Variants in ADK observed in about 807,000 individuals in gnomAD.
The protein encoded by ADK is N6,N6-dimethyladenosine kinase.
In ADK, 24 loss-of-function variants were observed where a neutral mutation model predicts 44.7. The ratio of observed to expected loss-of-function variants is 0.54; its 90% CI spans 0.39 to 0.76. The LOEUF (loss-of-function observed/expected upper bound fraction) is 0.76. Ranked by LOEUF, ADK falls within the 30% of genes least tolerant of loss-of-function variation. ADK has a pLI of 0.00. For missense variants in ADK, 321 were observed against 425.1 expected, an observed-to-expected ratio of 0.76 and a Z score of 2.15; for synonymous variants, 128 against 142.6, an observed-to-expected ratio of 0.90 and a Z score of 0.73.
intron 3 of ADK, among the ~76,000 whole-genome samples, chr10:74,313,913 A>G (rs984135782): frequency 4.0e-5 from 6 of 151,596 alleles, no homozygotes; most frequent in Non-Finnish European, 4.4e-5. Flanking sequence ...GTTTTTACCC[A>G]TGCATATTTT....
chr10:74,449,125 G>A (rs902205106), intron 6 of ADK, among the ~76,000 whole-genome samples: 4 of 152,188 alleles, frequency 2.6e-5, no homozygotes, highest in Admixed American at 1.3e-4. Context: ...ACCAGGAAGG[G>A]GAGAAAGCCT....
chr10:74,628,158 T>A (rs1231720672), intron 9 of ADK, among the ~76,000 whole-genome samples: 1 of 152,208 alleles, frequency 6.6e-6, no homozygotes, highest in African/African-American at 2.4e-5. Context: ...TATTTGCAAC[T>A]CAGCTTCCTA....
intron 6 of ADK, among the ~76,000 whole-genome samples, chr10:74,494,250 A>G (rs567681146): frequency 2.0e-5 from 3 of 152,172 alleles, no homozygotes; most frequent in African/African-American, 7.2e-5. Flanking sequence ...TAATCACCTC[A>G]CCTATCCAGG....
At chr10:74,524,817 T>C (rs552823116) in intron 6 of ADK, among the ~76,000 whole-genome samples, 14 of 152,298 alleles carry the variant, frequency 9.2e-5, no homozygotes, top group Admixed American at 6.5e-4. Context: ...AGGATTGCTT[T>C]ATCCCAGGAG....
chr10:74,689,409 C>T (rs1279606743), intron 10 of ADK, among the ~76,000 whole-genome samples: 1 of 152,144 alleles, frequency 6.6e-6, no homozygotes, highest in Non-Finnish European at 1.5e-5. Context: ...TCCTGAACAT[C>T]AGTTCCTGCT....
intron 4 of ADK, among the ~76,000 whole-genome samples, chr10:74,372,779 A>C (rs1030489623): frequency 1.3e-5 from 2 of 152,260 alleles, no homozygotes; most frequent in Middle Eastern, 6.8e-3. Context: ...TTCTCCCCCA[A>C]ATTGATCTAA....
At chr10:74,660,896 G>A (rs1413035123) in intron 9 of ADK, among the ~76,000 whole-genome samples, 1 of 152,044 alleles carries the variant, frequency 6.6e-6, no homozygotes, top group Non-Finnish European at 1.5e-5. Context: ...GCTGGGCGTG[G>A]TGGCACGCAC....
chr10:74,251,144 G>A (rs1206737058), intron 3 of ADK, among the ~76,000 whole-genome samples: 1 of 152,182 alleles, frequency 6.6e-6, no homozygotes, highest in East Asian at 1.9e-4. Context: ...TTAAATGCTG[G>A]TACTATTAAC....
chr10:74,251,892 T>C (rs1845663923), intron 3 of ADK, among the ~76,000 whole-genome samples: 1 of 127,612 alleles, frequency 7.8e-6, no homozygotes, highest in Non-Finnish European at 1.6e-5. Context: ...TTGTGGCAGA[T>C]ACTTTTTTTT....
chr10:74,522,487 C>T (rs1396022122), intron 6 of ADK, among the ~76,000 whole-genome samples: 3 of 152,072 alleles, frequency 2.0e-5, no homozygotes, highest in Non-Finnish European at 4.4e-5. Context: ...TTATAGTAGA[C>T]GATTCTCTCT....
At chr10:74,487,285 C>T (rs960346869) in intron 6 of ADK, among the ~76,000 whole-genome samples, 2 of 151,780 alleles carry the variant, frequency 1.3e-5, no homozygotes, top group Non-Finnish European at 2.9e-5. Context: ...TTTTGTTAAT[C>T]GTGTGTGGAT....
At chr10:74,512,432 CT>C (rs1192736570) in intron 6 of ADK, among the ~76,000 whole-genome samples, 1 of 137,896 alleles carries the variant, frequency 7.3e-6, no homozygotes, top group African/African-American at 2.7e-5. Flanking sequence ...TGTTGGAAGA[CT>C]TTTTGTTATT....
intron 10 of ADK, among the ~76,000 whole-genome samples, chr10:74,680,936 A>G (rs1855582129): frequency 6.6e-6 from 1 of 152,254 alleles, no homozygotes; most frequent in African/African-American, 2.4e-5. Flanking sequence ...TGGCAAATTA[A>G]AAACTGATTT....
rs553098905 is a variant in ADK at position 74,686,677 on chromosome 10, GT to G, written c.964+16414del. Among the ~76,000 whole-genome samples the G allele has an allele frequency of 7.2e-5, 11 of 152,098 alleles. No individual in the cohort carries two copies. The South Asian group carries it at 1.0e-3, about 14-fold the overall frequency. On this transcript the variant is annotated intron_variant, in intron 10 of 10. Coordinates refer to ENST00000539909, the MANE Select transcript of ADK (RefSeq NM_006721.4). ...TCTCTTTTTTGTTTGTTTGTTTTTT[GT>G]TTTTTGTGTTTCTTTTTTAGATGGA...
chr10:74,422,092 C>T (rs1382800227), intron 6 of ADK, among the ~76,000 whole-genome samples: 1 of 152,138 alleles, frequency 6.6e-6, no homozygotes, highest in African/African-American at 2.4e-5. Flanking sequence ...ACTGACTTGA[C>T]TATTTCCATT....
At chr10:74,319,109 G>A (rs371922565) in intron 4 of ADK, among the ~76,000 whole-genome samples, 1 of 152,134 alleles carries the variant, frequency 6.6e-6, no homozygotes, top group African/African-American at 2.4e-5. Flanking sequence ...GCAAAAAGAA[G>A]CATGCCTTTA....
At chr10:74,364,918 T>A (rs1412350830) in intron 4 of ADK, among the ~76,000 whole-genome samples, 2 of 152,254 alleles carry the variant, frequency 1.3e-5, no homozygotes, top group African/African-American at 4.8e-5. Context: ...TCCAGTTTAT[T>A]CACTTCTCTT....
chr10:74,391,354 A>T (rs1314666658), intron 4 of ADK, among the ~76,000 whole-genome samples: 1 of 152,038 alleles, frequency 6.6e-6, no homozygotes, highest in East Asian at 1.9e-4. Flanking sequence ...CATGTTTCAG[A>T]AGTCAAATTT....
intron 4 of ADK, among the ~76,000 whole-genome samples, chr10:74,326,342 T>TA (rs1228836787): frequency 2.0e-5 from 3 of 151,676 alleles, no homozygotes; most frequent in African/African-American, 7.3e-5. Flanking sequence ...CTTACGCCAG[T>TA]ACCCCAGCAC....
Sources: gnomAD v4.1 joint callset for allele counts (sites outside exome capture counted in the v4.1 genomes callset) on GRCh38, gnomAD v4.1.1 for gene constraint, MANE v1.5 for transcripts, NCBI Gene and HGNC (gene_info 2026-07-23, HGNC 2026-07-21) for gene names.